SESN1: variants seen among roughly 807,000 people sequenced by gnomAD.
The protein encoded by SESN1 is sestrin-1.
A neutral mutation model predicts 59.3 loss-of-function variants in SESN1; 30 were observed. The observed-to-expected ratio is 0.51, with a 90% CI of 0.38 to 0.69. The LOEUF is 0.69. SESN1 is among the 30% of genes least tolerant of loss of function. The pLI, the probability that SESN1 is intolerant of heterozygous loss-of-function variation, is 0.00. For missense variants in SESN1, 566 were observed against 673.0 expected (o/e 0.84, Z 1.76); for synonymous variants, 197 against 219.9 (o/e 0.90, Z 0.92).
In SESN1 at chr6:108,987,609, T is replaced by C. The variant is rs1485777558; in HGVS notation, c.1591A>G (p.Ile531Val). 1.9e-6 allele frequency: 3 copies of C among 1,592,932 alleles called. No homozygotes were observed. Among genetic ancestry groups the C allele is most frequent in the South Asian group, 1.1e-5 (1 of 90,690 alleles). The part of the protein sequence containing the change: ...SEKVHVNLLL[I>V]EARMQAELLY... ...AGTTCTGCTTGCATCCTAGCTTCTA[T>C]AAGAAGCAGATTAACATGAACCTGA... Residue 531 changes from isoleucine to valine, a missense_variant, in exon 10 of 10, where the codon ATA becomes GTA. By Grantham distance (29) the Ile-to-Val change is conservative. Coordinates refer to ENST00000436639, the MANE Select transcript of SESN1 (RefSeq NM_014454.3).
At chr6:108,988,718 T>C in intron 8 of SESN1, 31 bp from the exon 9 acceptor site, 2 of 1,547,074 alleles carry the variant, frequency 1.3e-6, no homozygotes, top group East Asian at 2.3e-5. Context: ...AATTATGATA[T>C]TTTCAGTGTA....
At chr6:108,990,493 G>A (rs1779349846) in intron 8 of SESN1, 152 bp downstream of exon 8, 2 of 681,172 alleles carry the variant, frequency 2.9e-6, no homozygotes, top group Non-Finnish European at 4.9e-6. Context: ...GCAATAAAGT[G>A]GTTCTTTGAA....
intron 1 of SESN1, among the ~76,000 whole-genome samples, chr6:109,042,679 T>A (rs1253307984): frequency 6.6e-6 from 1 of 152,042 alleles, no homozygotes; most frequent in East Asian, 1.9e-4. Flanking sequence ...ATCACCTGAA[T>A]AGCCCTATTG....
intron 1 of SESN1, among the ~76,000 whole-genome samples, chr6:109,085,621 A>G (rs1781201441): frequency 6.6e-6 from 1 of 152,216 alleles, no homozygotes; most frequent in Non-Finnish European, 1.5e-5. Flanking sequence ...TAATTAAAGT[A>G]CTAAGTAATT....
At position 109,005,193 on chromosome 6, in the gene SESN1, C is replaced by G. The variant is rs1779708561; in HGVS notation, c.280-2850G>C. Among the ~76,000 whole-genome samples the G allele has an allele frequency of 2.6e-5, 4 of 152,266 alleles. 1 individual carries two copies. The South Asian group carries it at 8.3e-4, about 32-fold the overall frequency. ...CTCAGTGTTCAATAGAAGGCTGTTT[C>G]AATAAAGTTCAGCATGACCATATAA... On this transcript the variant is annotated intron_variant, in intron 1 of 9. Coordinates refer to ENST00000436639, the MANE Select transcript of SESN1 (RefSeq NM_014454.3).
rs544879261 is a variant in SESN1, at chr6:109,064,081, G to A, written c.279+29714C>T. 7.2e-5 allele frequency among the ~76,000 whole-genome samples: 11 copies of A among 152,116 alleles called. No individual in the cohort carries two copies. In the South Asian group the frequency reaches 1.0e-3, roughly 14 times the overall value. ...CATGACATGGAAATTAACAATGAAC[G>A]GTAAAATCATCATGAAATAGTCTTA... On this transcript the variant is annotated intron_variant, in intron 1 of 9. Transcript: ENST00000436639.
chr6:109,004,041 GA>G (rs1235188678), intron 1 of SESN1, among the ~76,000 whole-genome samples: 2 of 152,166 alleles, frequency 1.3e-5, no homozygotes, highest in African/African-American at 2.4e-5. Context: ...TCAAATGGGG[GA>G]AAATGAATTA....
intron 1 of SESN1, chr6:109,009,583 A>G (rs894758389): frequency 1.6e-5 from 17 of 1,070,772 alleles, no homozygotes; most frequent in South Asian, 4.5e-5. Context: ...CCGACAAACA[A>G]GCCGCGCGGC....
intron 1 of SESN1, among the ~76,000 whole-genome samples, chr6:109,075,708 C>T (rs1041638440): frequency 2.6e-5 from 4 of 152,078 alleles, no homozygotes; most frequent in Non-Finnish European, 4.4e-5. Flanking sequence ...TATAGGAGAC[C>T]CTGAAACAGG....
chr6:109,051,471 C>G (rs1006742426), intron 1 of SESN1, among the ~76,000 whole-genome samples: 2 of 152,038 alleles, frequency 1.3e-5, no homozygotes, highest in African/African-American at 4.8e-5. Context: ...AAAATGTAAC[C>G]CTTTAAGGAA....
In SESN1 at chr6:109,056,069, G is replaced by T. The variant is rs147840215; in HGVS notation, c.279+37726C>A. On this transcript the variant is annotated intron_variant, in intron 1 of 9. Coordinates refer to ENST00000436639, the MANE Select transcript of SESN1 (RefSeq NM_014454.3). ...CTGTTAGCTAGCTAGGTGCCAGTGA[G>T]AACTTTATTTCTAAAACAACTAGAG... Among the ~76,000 whole-genome samples the T allele has an allele frequency of 4.8e-3, 733 of 152,274 alleles. 7 individuals are homozygous for T. The highest frequency in any genetic ancestry group is 0.017 in the African/African-American group (700 of 41,540).
intron 1 of SESN1, among the ~76,000 whole-genome samples, chr6:109,055,878 G>C (rs1780625309): frequency 6.6e-6 from 1 of 152,106 alleles, no homozygotes; most frequent in African/African-American, 2.4e-5. Context: ...TGGTTGGGAA[G>C]AATTTTTCTT....
chr6:108,999,928 T>C (rs1202544901), intron 4 of SESN1: 1 of 152,112 alleles, frequency 6.6e-6, no homozygotes, highest in Non-Finnish European at 1.5e-5. Flanking sequence ...ATGGCATAAC[T>C]ATACAATAGA....
intron 1 of SESN1, among the ~76,000 whole-genome samples, chr6:109,061,497 T>C (rs1780731568): frequency 6.6e-6 from 1 of 152,356 alleles, no homozygotes; most frequent in East Asian, 1.9e-4. Flanking sequence ...TTGATCTTCA[T>C]CTTCCTCTTT....
At chr6:109,027,802 C>T (rs929875209) in intron 1 of SESN1, among the ~76,000 whole-genome samples, 1 of 152,126 alleles carries the variant, frequency 6.6e-6, no homozygotes, top group African/African-American at 2.4e-5. Context: ...TTTTAATTTG[C>T]ATTTCCTTGA....
chr6:109,035,799 A>C (rs907803173), intron 1 of SESN1, among the ~76,000 whole-genome samples: 1 of 151,986 alleles, frequency 6.6e-6, no homozygotes, highest in African/African-American at 2.4e-5. Flanking sequence ...GTAGAGATGG[A>C]GTCTTGCTAT....
At chr6:109,081,192 C>T (rs1445051762) in intron 1 of SESN1, among the ~76,000 whole-genome samples, 2 of 152,126 alleles carry the variant, frequency 1.3e-5, no homozygotes, top group African/African-American at 2.4e-5. Flanking sequence ...AGCAATCCTC[C>T]TACTTTACCT....
chr6:109,057,989 C>T (rs1048860269), intron 1 of SESN1, among the ~76,000 whole-genome samples: 1 of 151,748 alleles, frequency 6.6e-6, no homozygotes, highest in African/African-American at 2.4e-5. Context: ...ATGTTTCAGT[C>T]AATGATGTAC....
In SESN1 at chr6:108,998,549, C is replaced by T; in HGVS notation, c.936G>A (p.Val312=). The change falls in exon 5 of 10, where the codon GTG becomes GTA. Residue 312 remains valine, a synonymous_variant. Transcript: ENST00000436639. ...ICDITNGNHS[V]DEMPVNSAEN... ...CTGCTGAGTTGACCGGCATCTCATC[C>T]ACACTGTGATTGCCATTTGTAATGT... 6.2e-7 allele frequency: 1 copy of T among 1,613,872 alleles called. No homozygotes were observed. Among genetic ancestry groups the T allele is most frequent in the Non-Finnish European group, 8.5e-7 (1 of 1,179,800 alleles).
Sources: gnomAD v4.1 joint callset for allele counts (sites outside exome capture counted in the v4.1 genomes callset) on GRCh38, gnomAD v4.1.1 for gene constraint, MANE v1.5 for transcripts, NCBI Gene and HGNC (gene_info 2026-07-23, HGNC 2026-07-21) for gene names.